The following TTN variants were observed in gnomAD, a reference collection of about 807,000 sequenced individuals.
TTN encodes connectin.
Under a neutral mutation model 3,223.0 loss-of-function variants are expected in TTN, and 1,525 were observed. The ratio of observed to expected loss-of-function variants is 0.47; its 90% CI spans 0.45 to 0.49. The LOEUF is 0.49. Ranked by LOEUF, TTN falls within the 20% of genes least tolerant of loss-of-function variation. The pLI, the probability that TTN is intolerant of heterozygous loss-of-function variation, is 0.00. For synonymous variants in TTN, 14,094 were observed against 15,161.0 expected (o/e 0.93, Z 5.17); for missense variants, 40,786 against 43,424.0 (o/e 0.94, Z 5.40).
rs765205726 is a variant in TTN at position 178,590,074 on chromosome 2, C to G, written c.61651G>C (p.Ala20551Pro). 2 of 1,613,172 alleles carry G rather than the reference C, an allele frequency of 1.2e-6. No homozygotes were observed. The highest frequency in any genetic ancestry group is 2.2e-5 in the East Asian group (1 of 44,726). ...TGGGCATGTCCACTGCTGTTCTTAG[C>G]TGAGATGATATACTTGCCATGATCA... is the stretch of plus-strand genomic sequence containing the variant. ...RADHGKYIISAKNSSGHAQGS... is the reference protein window; with the variant it reads ...RADHGKYIISPKNSSGHAQGS... The change falls in exon 304 of 363, where the codon GCT becomes CCT. Residue 20551 changes from alanine (A) to proline (P), a missense_variant. Coordinates refer to ENST00000589042, the MANE Select transcript of TTN (RefSeq NM_001267550.2).
In TTN at chr2:178,567,299, G is replaced by A; in HGVS notation, c.78833C>T (p.Pro26278Leu). 2.5e-6 allele frequency: 4 copies of A among 1,606,972 alleles called. No homozygotes were observed. The highest frequency in any genetic ancestry group is 3.4e-6 in the Non-Finnish European group (4 of 1,177,374). Residue 26278 changes from proline to leucine, a missense_variant, in exon 326 of 363, where the codon CCA becomes CTA. Pro to Leu is a moderately conservative substitution (Grantham distance 98). Transcript: ENST00000589042. Reference sequence around the variant, plus strand: ...TCTATCTAATACTTTTACATTTACTGGGAATGACTTAGAACCTGCAACATT... The same window carrying A: ...TCTATCTAATACTTTTACATTTACTAGGAATGACTTAGAACCTGCAACATT... ...ASNVAGSKSFPVNVKVLDRPG... is the reference protein window; with the variant it reads ...ASNVAGSKSFLVNVKVLDRPG...
Position 178,802,165 on chromosome 2 carries a change from T to C in TTN, c.268A>G (p.Thr90Ala). The C allele has an allele frequency of 6.2e-7, 1 of 1,614,158 alleles. No individual in the cohort carries two copies. The highest frequency in any genetic ancestry group is 8.5e-7 in the Non-Finnish European group (1 of 1,180,012). The change falls in exon 3 of 363, where the codon ACT becomes GCT. Residue 90 changes from threonine (T) to alanine (A), a missense_variant. Thr to Ala is a moderately conservative substitution (Grantham distance 58). Transcript: ENST00000589042. ...LKATNGSGQA[T>A]STAELLVKAE... ...TTCACGAGAAGCTCAGCAGTACTAG[T>C]CGCTTGTCCAGATCCATTGGTGGCT...
chr2:178,563,211 C>T lies in TTN; in HGVS notation c.82921G>A (p.Glu27641Lys). ...FTVTKLKENT[E>K]YNFRICAINS... The stretch of plus-strand genomic sequence containing the variant: ...ATGGCACAAATACGGAAGTTATATT[C>T]AGTGTTTTCTTTAAGCTTGGTCACT... The change falls in exon 326 of 363, where the codon GAA (glutamate) becomes AAA (lysine). Residue 27641 changes from glutamate to lysine, a missense_variant. Coordinates refer to ENST00000589042, the MANE Select transcript of TTN (RefSeq NM_001267550.2). The surrounding 1 kb of genome is among the most constrained non-coding windows in gnomAD (Gnocchi z 4.5). The T allele has an allele frequency of 6.2e-7, 1 of 1,613,682 alleles. No individual in the cohort carries two copies.
chr2:178,546,148 A>C (rs377354100), intron 342 of TTN, 32 bp from the exon 343 acceptor site: 1 of 1,588,626 alleles, frequency 6.3e-7, no homozygotes, highest in African/African-American at 1.3e-5. Flanking sequence ...GCCATGATGA[A>C]GATCATTCTT....
chr2:178,749,640 T>C, intron 47 of TTN: 1 of 1,612,674 alleles, frequency 6.2e-7, no homozygotes, highest in South Asian at 1.1e-5. Context: ...CTATTTTCTC[T>C]ATAAGTGACA....
At chr2:178,597,353 C>G (rs981468143) in intron 294 of TTN, among the ~76,000 whole-genome samples, 185 bp downstream of exon 294, 5 of 152,012 alleles carry the variant, frequency 3.3e-5, no homozygotes, top group African/African-American at 1.2e-4. Context: ...ACCCACCATA[C>G]AGAATACACA....
At chr2:178,715,292 A>G (rs760963722) in intron 89 of TTN, 28 bp from the exon 90 acceptor site, 2 of 1,574,716 alleles carry the variant, frequency 1.3e-6, no homozygotes, top group South Asian at 2.4e-5. Context: ...GAAAATACGG[A>G]TGTATTCTGT....
At chr2:178,663,959 T>G in intron 169 of TTN, 56 bp downstream of exon 169, 1 of 1,611,686 alleles carries the variant, frequency 6.2e-7, no homozygotes. Context: ...TAGAAAAAAA[T>G]ATTGTCAAGA....
chr2:178,782,634 G>T, intron 18 of TTN, 32 bp from the exon 19 acceptor site: 1 of 1,612,124 alleles, frequency 6.2e-7, no homozygotes, highest in South Asian at 1.1e-5. Context: ...TCATTGAGAT[G>T]AGATGTTTAG....
chr2:178,667,768 TA>T, intron 159 of TTN, 47 bp from the exon 160 acceptor site: 1 of 1,326,578 alleles, frequency 7.5e-7, no homozygotes, highest in Non-Finnish European at 1.0e-6. Context: ...TCAAGGTGGA[TA>T]AAGAAGTGTA....
chr2:178,610,946 TC>T, intron 270 of TTN, 46 bp downstream of exon 270: 2 of 1,600,546 alleles, frequency 1.2e-6, no homozygotes, highest in Non-Finnish European at 1.7e-6. Flanking sequence ...TTAACTAATT[TC>T]CTCTACATGT....
chr2:178,624,820 G>T, intron 241 of TTN, 89 bp from the exon 242 acceptor site: 1 of 1,458,030 alleles, frequency 6.9e-7, no homozygotes, highest in Non-Finnish European at 9.3e-7. Context: ...CATCTCCAGG[G>T]CTTTGTTCTG....
chr2:178,634,458 A>ATATG lies in TTN; in HGVS notation c.42319_42322dup (p.Ile14108ThrfsTer6), dbSNP rs2060173229. 1 of 1,613,152 alleles carries ATATG rather than the reference A, an allele frequency of 6.2e-7. No homozygotes were observed. Among genetic ancestry groups the ATATG allele is most frequent in the South Asian group, 1.1e-5 (1 of 91,034 alleles). On this transcript the variant is annotated frameshift_variant, in exon 230 of 363. Transcript: ENST00000589042. LOFTEE classifies it high-confidence loss of function. The surrounding 1 kb of genome is among the most constrained non-coding windows in gnomAD (Gnocchi z 4.6). ...AAATTGAGAATCATTAATAACAAGAATATGTTTCTTTCCATCAGCGATGAT... is the reference window on the plus strand; with the variant it reads ...AAATTGAGAATCATTAATAACAAGAATATGTATGTTTCTTTCCATCAGCGATGAT...
At chr2:178,684,262 T>C in intron 132 of TTN, 68 bp downstream of exon 132, 3 of 1,528,902 alleles carry the variant, frequency 2.0e-6, no homozygotes, top group African/African-American at 2.8e-5. Flanking sequence ...CCAGCCCCCA[T>C]AACCAGTGTA....
In TTN at chr2:178,771,480, C is replaced by A. The variant is rs1426587010; in HGVS notation, c.7856-9G>T. On this transcript the variant is annotated splice_polypyrimidine_tract_variant and intron_variant, in intron 33 of 362. Transcript: ENST00000589042. ...CTTGGAGATGGCCCCACCTTTGGAA[C>A]AAGAGATGTACAGTATGAGTCCTTT... The A allele has an allele frequency of 3.1e-6, 5 of 1,613,734 alleles. No individual in the cohort carries two copies. The highest frequency in any genetic ancestry group is 2.7e-5 in the African/African-American group (2 of 74,898).
rs1435124022 is a variant in TTN at position 178,569,037 on chromosome 2, G to A, written c.77095C>T (p.Pro25699Ser). The A allele has an allele frequency of 6.2e-7, 1 of 1,613,080 alleles. No individual in the cohort carries two copies. The highest frequency in any genetic ancestry group is 8.5e-7 in the Non-Finnish European group (1 of 1,179,504). The change falls in exon 326 of 363, where the codon CCA becomes TCA. Residue 25699 changes from proline to serine, a missense_variant. Transcript: ENST00000589042. ...ACAGTTATTTTTCCAGGAGGTTGTG[G>A]CACTTCTGCAACCTTAATTGGATCA... The part of the protein sequence containing the change: ...TADPIKVAEV[P>S]QPPGKITVDD...
At chr2:178,789,832 A>C in intron 12 of TTN, 146 bp downstream of exon 12, 1 of 961,036 alleles carries the variant, frequency 1.0e-6, no homozygotes, top group African/African-American at 1.6e-5. Flanking sequence ...AATTAATGAT[A>C]ATCAGTCTCA....
rs754767867 is a variant in TTN, at chr2:178,578,832, T to G, written c.68198A>C (p.Glu22733Ala). ...KYGVGEGLKS[E>A]PIVARHPFDV... is the part of the protein sequence containing the mutation. ...AAATGGATGTCTCGCAACAATTGGC[T>G]CCGATTTCAGGCCTTCCCCTACACC... Residue 22733 changes from glutamate to alanine, a missense_variant, in exon 320 of 363, where the codon GAG becomes GCG. Physicochemically the swap from Glu to Ala is moderately radical, Grantham distance 107. Transcript: ENST00000589042. The G allele has an allele frequency of 1.2e-5, 20 of 1,611,376 alleles. No individual in the cohort carries two copies. The highest frequency in any genetic ancestry group is 1.7e-5 in the Non-Finnish European group (20 of 1,178,376).
At chr2:178,603,813 G>A in intron 282 of TTN, 63 bp downstream of exon 282, 1 of 1,433,046 alleles carries the variant, frequency 7.0e-7, no homozygotes, top group Non-Finnish European at 9.3e-7. Context: ...ATTTAAGGCA[G>A]AATTATCCAT....
Sources: gnomAD v4.1 joint callset for allele counts (sites outside exome capture counted in the v4.1 genomes callset) on GRCh38, gnomAD v4.1.1 for gene constraint, Gnocchi (gnomAD v3.1) non-coding constraint, MANE v1.5 for transcripts, NCBI Gene and HGNC (gene_info 2026-07-23, HGNC 2026-07-21) for gene names.